ATIC: variants seen among roughly 807,000 people sequenced by gnomAD.
The protein encoded by ATIC is bifunctional purine biosynthesis protein ATIC.
Under a neutral mutation model 72.5 loss-of-function variants are expected in ATIC, and 64 were observed. The ratio of observed to expected loss-of-function variants is 0.88; its 90% CI spans 0.72 to 1.09. The LOEUF is 1.09. Ranked by LOEUF, ATIC falls within the 50% of genes least tolerant of loss-of-function variation. ATIC has a pLI of 0.00. For synonymous variants in ATIC, 281 were observed against 267.1 expected (o/e 1.05, Z -0.51); for missense variants, 787 against 732.4 (o/e 1.07, Z -0.86).
intron 2 of ATIC, among the ~76,000 whole-genome samples, chr2:215,317,508 T>C (rs1482520251): frequency 1.6e-4 from 24 of 152,112 alleles, no homozygotes; most frequent in African/African-American, 5.3e-4. Flanking sequence ...TTTTTTGAGA[T>C]GGAGTCTTGC....
chr2:215,356,565 A>C, the ATIC span, among the ~76,000 whole-genome samples: 5 of 152,130 alleles, frequency 3.3e-5, no homozygotes, highest in Non-Finnish European at 7.4e-5. Context: ...AGTTCCATAA[A>C]ATTTTCATCA....
the ATIC span, among the ~76,000 whole-genome samples, chr2:215,356,498 G>A: frequency 3.3e-5 from 5 of 152,100 alleles, no homozygotes; most frequent in Non-Finnish European, 5.9e-5. Flanking sequence ...ATTTTAAAGC[G>A]TATTGTTCAG....
intron 2 of ATIC, among the ~76,000 whole-genome samples, chr2:215,316,701 T>G (rs1368402420): frequency 2.0e-5 from 3 of 152,252 alleles, no homozygotes; most frequent in Non-Finnish European, 2.9e-5. Flanking sequence ...AAGCATGTAC[T>G]TTATTTCATA....
intron 1 of ATIC, 128 bp downstream of exon 1, chr2:215,312,289 G>T (rs1408991606): frequency 1.4e-6 from 2 of 1,442,758 alleles, no homozygotes; most frequent in Non-Finnish European, 1.8e-6. Context: ...CAGCGTCCCC[G>T]CTCCCCGGCC....
chr2:215,340,253 A>G (rs1418918004), intron 12 of ATIC, among the ~76,000 whole-genome samples: 1 of 152,182 alleles, frequency 6.6e-6, no homozygotes, highest in Admixed American at 6.5e-5. Flanking sequence ...AGGTCACTCT[A>G]TGGGGGTGAC....
chr2:215,329,833 G>T (rs2052870231), intron 7 of ATIC, among the ~76,000 whole-genome samples: 1 of 152,084 alleles, frequency 6.6e-6, no homozygotes, highest in African/African-American at 2.4e-5. Context: ...CATGATCTCG[G>T]CTCACCACAA....
At chr2:215,328,297 C>T (rs1193465456) in intron 7 of ATIC, among the ~76,000 whole-genome samples, 3 of 152,292 alleles carry the variant, frequency 2.0e-5, no homozygotes, top group Admixed American at 1.3e-4. Flanking sequence ...CTTCACAGCA[C>T]AGTAATCTTT....
chr2:215,326,997 G>A lies in ATIC; in HGVS notation c.688+19G>A, dbSNP rs769813882. On this transcript the variant is annotated intron_variant, in intron 7 of 15. Coordinates refer to ENST00000236959, the MANE Select transcript of ATIC (RefSeq NM_004044.7). ...ATCACAGGTAAAGCCCGAGCGTTCT[G>A]TGGCATGGTTTGCTGTGCCTGGAGA... 3 of 1,614,184 alleles carry A rather than the reference G, an allele frequency of 1.9e-6. No homozygotes were observed. The South Asian group carries it at 3.3e-5, about 18-fold the overall frequency.
chr2:215,346,178 T>C (rs1285930097), intron 13 of ATIC, among the ~76,000 whole-genome samples: 1 of 152,148 alleles, frequency 6.6e-6, no homozygotes, highest in African/African-American at 2.4e-5. Flanking sequence ...TTATTTTTTA[T>C]AGAGACAGGG....
intron 2 of ATIC, 157 bp from the exon 3 acceptor site, chr2:215,318,000 T>C: frequency 1.5e-6 from 1 of 686,092 alleles, no homozygotes; most frequent in Non-Finnish European, 2.5e-6. Flanking sequence ...AGAATTTTAC[T>C]TAAGAAATAA....
chr2:215,319,519 G>C, intron 3 of ATIC, 146 bp from the exon 4 acceptor site: 2 of 647,530 alleles, frequency 3.1e-6, no homozygotes, highest in East Asian at 2.9e-5. Flanking sequence ...ATCCAGCCTG[G>C]GCGATAGAGT....
downstream of ATIC, among the ~76,000 whole-genome samples, chr2:215,352,804 T>G (rs1030096840): frequency 2.6e-5 from 4 of 152,068 alleles, no homozygotes; most frequent in Non-Finnish European, 5.9e-5. Flanking sequence ...CTCAAGTATC[T>G]TCAACACCTG....
At chr2:215,312,932 T>C (rs898499896) in intron 2 of ATIC, among the ~76,000 whole-genome samples, 21 of 152,134 alleles carry the variant, frequency 1.4e-4, no homozygotes, top group Non-Finnish European at 2.9e-4. Flanking sequence ...AACCCGTCTC[T>C]ACTAAAAATA....
At chr2:215,351,173 G>GCTTA (rs1479157566), downstream of ATIC, among the ~76,000 whole-genome samples, 1 of 152,158 alleles carries the variant, frequency 6.6e-6, no homozygotes, top group Admixed American at 6.5e-5. Flanking sequence ...ACGCCATCTT[G>GCTTA]CTTACACTAG....
Position 215,332,508 on chromosome 2 carries a change from G to A in ATIC, c.814+1G>A. Reference sequence around the variant, plus strand: ...TCTTTCAAACATGTCAGCCCAGCAGGTAAAGCTCTGTGCTCTGGAAAGCTC... The same window carrying A: ...TCTTTCAAACATGTCAGCCCAGCAGATAAAGCTCTGTGCTCTGGAAAGCTC... On this transcript the variant is annotated splice_donor_variant, in intron 8 of 15. Coordinates refer to ENST00000236959, the MANE Select transcript of ATIC (RefSeq NM_004044.7). LOFTEE classifies it high-confidence loss of function. 1.2e-6 allele frequency: 2 copies of A among 1,614,110 alleles called. No homozygotes were observed. Among genetic ancestry groups the A allele is most frequent in the Non-Finnish European group, 1.7e-6 (2 of 1,180,022 alleles).
intron 12 of ATIC, 147 bp from the exon 13 acceptor site, chr2:215,344,632 G>GCCGTTGGAGATTGTC: frequency 1.3e-6 from 1 of 750,536 alleles, no homozygotes; most frequent in South Asian, 1.6e-5. Flanking sequence ...CCGAGATTGT[G>GCCGTTGGAGATTGTC]CCGTTGGAGA....
At chr2:215,321,320 G>A (rs959826474) in intron 4 of ATIC, among the ~76,000 whole-genome samples, 2 of 149,610 alleles carry the variant, frequency 1.3e-5, no homozygotes, top group Non-Finnish European at 3.0e-5. Flanking sequence ...AGTTCATTTC[G>A]TTTTTAGTGC....
chr2:215,361,771 C>G, the ATIC span: 1 of 991,654 alleles, frequency 1.0e-6, no homozygotes, highest in South Asian at 1.4e-5. Context: ...TAGCAGCATA[C>G]TGGGCAATAG....
intron 14 of ATIC, 122 bp from the exon 15 acceptor site, chr2:215,348,967 AATAAT>A: frequency 3.9e-6 from 3 of 779,040 alleles, no homozygotes; most frequent in Non-Finnish European, 5.5e-6. Context: ...AAAAAAAAAA[AATAAT>A]AATAATAATA....
Sources: allele counts gnomAD v4.1 joint callset (sites outside exome capture counted in the v4.1 genomes callset), GRCh38; gene constraint gnomAD v4.1.1; transcripts MANE v1.5; gene names NCBI Gene and HGNC (gene_info 2026-07-23, HGNC 2026-07-21).